Variants in FGD6 observed in about 807,000 individuals in gnomAD.
FGD6 encodes FYVE, RhoGEF and PH domain containing 6.
FGD6 carries 90 observed loss-of-function variants against 149.4 expected under a neutral mutation model. That is an observed-to-expected ratio of 0.60 (90% CI 0.51 to 0.72). FGD6 has a LOEUF of 0.72. Among genes scored for constraint, FGD6 ranks in the 30% least tolerant of loss-of-function variants. The pLI is 0.00. For missense variants in FGD6, 1,437 were observed against 1,684.8 expected (o/e 0.85, Z 2.57); for synonymous variants, 527 against 584.0 (o/e 0.90, Z 1.41).
chr12:95,081,546 C>T lies in FGD6; in HGVS notation c.4267G>A (p.Ala1423Thr). ...TACAATATTGTGCCTTCCTGAAATG[C>T]TTCTATCCACCTATTGATAAGAGAA... Reference protein sequence around the residue: ...DAHSAQKWIEAFQEGTIL With the variant: ...DAHSAQKWIETFQEGTIL Residue 1423 changes from alanine (A) to threonine (T), a missense_variant, in exon 21 of 21, where the codon GCA (alanine) becomes ACA (threonine). By Grantham distance (58) the Ala-to-Thr change is moderately conservative. Around this residue, in one of 2 missense-constraint regions of FGD6, gnomAD observed 382 missense variants for 538.7 expected, o/e 0.71. Coordinates refer to ENST00000343958, the MANE Select transcript of FGD6 (RefSeq NM_018351.4). 2 of 1,605,456 alleles carry T rather than the reference C, an allele frequency of 1.2e-6. No homozygotes were observed. Among genetic ancestry groups the T allele is most frequent in the Non-Finnish European group, 1.7e-6 (2 of 1,176,200 alleles).
chr12:95,089,771 A>G (rs767538855), intron 17 of FGD6, 75 bp from the exon 18 acceptor site: 20 of 1,552,560 alleles, frequency 1.3e-5, no homozygotes, highest in Non-Finnish European at 1.7e-5. Flanking sequence ...ATCCATAAAC[A>G]CTGTTGCATA....
intron 3 of FGD6, among the ~76,000 whole-genome samples, chr12:95,168,786 T>C (rs1183999878): frequency 6.6e-6 from 1 of 152,236 alleles, no homozygotes; most frequent in Non-Finnish European, 1.5e-5. Flanking sequence ...AAGTCAAGTG[T>C]CCACTTTTTT....
rs142919185 is a variant in FGD6, at chr12:95,176,022, A to G, written c.2442-3278T>C. On this transcript the variant is annotated intron_variant, in intron 2 of 20. Coordinates refer to ENST00000343958, the MANE Select transcript of FGD6 (RefSeq NM_018351.4). ...TCTAGGATCCACATTTTACATGTTCATTTCTAAAACAATTACTCTATTTTC... is the reference window on the plus strand; with the variant it reads ...TCTAGGATCCACATTTTACATGTTCGTTTCTAAAACAATTACTCTATTTTC... Among the ~76,000 whole-genome samples the G allele has an allele frequency of 6.2e-3, 937 of 152,254 alleles. 16 individuals are homozygous for G. Among genetic ancestry groups the G allele is most frequent in the African/African-American group, 0.021 (887 of 41,552 alleles).
chr12:95,185,814 T>C (rs1881413279), intron 2 of FGD6, among the ~76,000 whole-genome samples: 1 of 152,090 alleles, frequency 6.6e-6, no homozygotes, highest in Admixed American at 6.6e-5. Flanking sequence ...TTAGCTGAGA[T>C]TGCACCATTG....
At chr12:95,140,936 T>C (rs1879824052) in intron 6 of FGD6, among the ~76,000 whole-genome samples, 1 of 151,696 alleles carries the variant, frequency 6.6e-6, no homozygotes, top group Non-Finnish European at 1.5e-5. Context: ...TTGAAAATAA[T>C]CAATCTGGTC....
Position 95,162,316 on chromosome 12 carries a change from A to G in FGD6, c.2587-9323T>C, listed in dbSNP as rs948438262. Among the ~76,000 whole-genome samples the G allele has an allele frequency of 9.2e-5, 14 of 152,118 alleles. 1 individual carries two copies. Among genetic ancestry groups the G allele is most frequent in the Non-Finnish European group, 1.9e-4 (13 of 68,016 alleles). On this transcript the variant is annotated intron_variant, in intron 3 of 20. Coordinates refer to ENST00000343958, the MANE Select transcript of FGD6 (RefSeq NM_018351.4). ...GACAGGTGGATCACTTGAGGCCAGG[A>G]GTTCAAGACCAACCTGGCCAACATG... is the stretch of plus-strand genomic sequence containing the variant.
intron 2 of FGD6, among the ~76,000 whole-genome samples, chr12:95,177,294 G>A (rs1221852864): frequency 1.3e-5 from 2 of 152,164 alleles, no homozygotes; most frequent in African/African-American, 2.4e-5. Flanking sequence ...ATAAGGGATC[G>A]GATGGCCGAG....
intron 9 of FGD6, 111 bp downstream of exon 9, chr12:95,113,540 A>C: frequency 1.2e-6 from 1 of 868,380 alleles, no homozygotes; most frequent in Non-Finnish European, 1.8e-6. Flanking sequence ...CTGCCCTTCA[A>C]GTCGTATGAA....
chr12:95,123,827 G>A (rs1317033184), intron 8 of FGD6, among the ~76,000 whole-genome samples: 2 of 152,090 alleles, frequency 1.3e-5, no homozygotes, highest in Non-Finnish European at 2.9e-5. Context: ...CTCCCAAAGT[G>A]CTGGGATTAC....
At chr12:95,185,298 G>A (rs1005736060) in intron 2 of FGD6, among the ~76,000 whole-genome samples, 1 of 152,134 alleles carries the variant, frequency 6.6e-6, no homozygotes, top group African/African-American at 2.4e-5. Flanking sequence ...ATCAAACTCA[G>A]ATTACATCTT....
chr12:95,174,655 G>C (rs535766704), intron 2 of FGD6, among the ~76,000 whole-genome samples: 1 of 152,120 alleles, frequency 6.6e-6, no homozygotes, highest in Non-Finnish European at 1.5e-5. Context: ...TTGGCCAGGC[G>C]CGGTGGCTCA....
rs1881428152 is a variant in FGD6 at position 95,186,225 on chromosome 12, C to CTTTTTTTTTTTTTTTTTTTTTTTTT, written c.2442-13482_2442-13481insAAAAAAAAAAAAAAAAAAAAAAAAA. ...AGCTAAGAATGCTTCTTATATTCTT[C>CTTTTTTTTTTTTTTTTTTTTTTTTT]TTCTTTTTTTTTTTTTTTTTTTTTT... On this transcript the variant is annotated intron_variant, in intron 2 of 20. Transcript: ENST00000343958. Among the ~76,000 whole-genome samples, 2 of 71,200 alleles carry CTTTTTTTTTTTTTTTTTTTTTTTTT rather than the reference C, an allele frequency of 2.8e-5. 1 individual carries two copies. Among genetic ancestry groups the CTTTTTTTTTTTTTTTTTTTTTTTTT allele is most frequent in the African/African-American group, 1.1e-4 (2 of 18,646 alleles). The allele number at this position is 71,200 out of a possible 152,430, so 46.7% of individuals were successfully genotyped here.
intron 5 of FGD6, among the ~76,000 whole-genome samples, chr12:95,146,324 T>A (rs754410596): frequency 1.3e-5 from 2 of 152,210 alleles, no homozygotes; most frequent in Non-Finnish European, 2.9e-5. Context: ...TTTTTCTAAA[T>A]GTTAACAACC....
chr12:95,100,260 G>C (rs537405963), intron 14 of FGD6, among the ~76,000 whole-genome samples: 1 of 152,112 alleles, frequency 6.6e-6, no homozygotes, highest in African/African-American at 2.4e-5. Context: ...TCCTGGACAG[G>C]GTAGGTGATG....
rs773715655 is a variant in FGD6 at position 95,094,564 on chromosome 12, A to G, written c.3600+28T>C. ...AGGTAAAAACTTTGAAATGCACTGG[A>G]AAAAAAAAAAAAAGGAGAAAACAAT... On this transcript the variant is annotated intron_variant, in intron 15 of 20. Transcript: ENST00000343958. The G allele has an allele frequency of 1.9e-4, 49 of 253,528 alleles. No homozygotes were observed. The South Asian group carries it at 4.6e-3, about 24-fold the overall frequency. 15.7% of individuals were successfully genotyped at this position (253,528 alleles called of 1,614,324 possible).
rs772305929 is a variant in FGD6, at chr12:95,210,923, C to T, written c.361G>A (p.Gly121Ser). Residue 121 changes from glycine (G) to serine (S), a missense_variant, in exon 2 of 21, where the codon GGC (glycine) becomes AGC (serine). By Grantham distance (56) the Gly-to-Ser change is moderately conservative. Transcript: ENST00000343958. Reference protein sequence around the residue: ...SCSSECIHKLGHRENLCVKQL... With the variant: ...SCSSECIHKLSHRENLCVKQL... ...TTTACACACAAATTCTCTCTATGGC[C>T]CAGCTTATGGATACACTCAGAACTG... 2.5e-6 allele frequency: 4 copies of T among 1,614,052 alleles called. No homozygotes were observed. Among genetic ancestry groups the T allele is most frequent in the Admixed American group, 3.3e-5 (2 of 60,002 alleles).
chr12:95,147,313 C>T (rs1252980698), intron 5 of FGD6, among the ~76,000 whole-genome samples: 1 of 152,188 alleles, frequency 6.6e-6, no homozygotes, highest in Non-Finnish European at 1.5e-5. Flanking sequence ...ATTCTTCCCT[C>T]TCTATATGTA....
intron 8 of FGD6, among the ~76,000 whole-genome samples, chr12:95,119,351 T>TA (rs1256707166): frequency 6.6e-6 from 1 of 152,314 alleles, no homozygotes; most frequent in South Asian, 2.1e-4. Flanking sequence ...GAGGAAAACT[T>TA]AAACTATGAA....
intron 14 of FGD6, among the ~76,000 whole-genome samples, chr12:95,101,932 C>T (rs1385375202): frequency 1.2e-4 from 18 of 151,982 alleles, no homozygotes; most frequent in Non-Finnish European, 2.5e-4. Context: ...CCACCCGCCT[C>T]GGCCTCCCAA....
Sources: allele counts gnomAD v4.1 joint callset (sites outside exome capture counted in the v4.1 genomes callset), GRCh38; gene constraint gnomAD v4.1.1; regional missense constraint gnomAD v4.1.1; transcripts MANE v1.5; gene names NCBI Gene and HGNC (gene_info 2026-07-23, HGNC 2026-07-21).